BIRC6: variants seen among roughly 807,000 people sequenced by gnomAD.
BIRC6 encodes baculoviral IAP repeat containing 6.
Under a neutral mutation model 503.3 loss-of-function variants are expected in BIRC6, and 98 were observed. The ratio of observed to expected loss-of-function variants is 0.19; its 90% CI spans 0.17 to 0.23. BIRC6 has a LOEUF of 0.23. BIRC6 is among the 10% of genes least tolerant of loss of function. The pLI is 1.00. For synonymous variants in BIRC6, 2,240 were observed against 2,078.7 expected (o/e 1.08, Z -2.11); for missense variants, 5,360 against 5,806.0 (o/e 0.92, Z 2.50).
At chr2:32,459,223 T>G (rs1211441028) in intron 23 of BIRC6, among the ~76,000 whole-genome samples, 2 of 152,212 alleles carry the variant, frequency 1.3e-5, no homozygotes, top group East Asian at 3.8e-4. Context: ...TTCCAGTCAC[T>G]TGGCAACCAG....
Position 32,357,092 on chromosome 2 carries a change from A to C in BIRC6, c.-70A>C. 7.6e-7 allele frequency: 1 copy of C among 1,320,026 alleles called. No individual in the cohort carries two copies. The highest frequency in any genetic ancestry group is 9.9e-7 in the Non-Finnish European group (1 of 1,009,060). 81.8% of individuals were successfully genotyped at this position (1,320,026 alleles called of 1,614,324 possible). A position where few individuals can be genotyped will look rare whatever the true frequency, so the allele number is the denominator to read the frequency against. On this transcript the variant is annotated 5_prime_UTR_variant, in exon 1 of 74. Transcript: ENST00000421745. This position sits in a 1 kb window ranked among gnomAD's most constrained non-coding sequence, Gnocchi z 4.9. ...TTTGGCCCCTCCGGCCGGGCGATCG[A>C]CGTTCCGCGTGCGTGCGGGCGCCTG...
chr2:32,438,195 C>T (rs1304607082), intron 15 of BIRC6, among the ~76,000 whole-genome samples: 2 of 152,124 alleles, frequency 1.3e-5, no homozygotes, highest in African/African-American at 4.8e-5. Context: ...CCATAAAATT[C>T]TCCCCAGCAT....
At chr2:32,612,842 G>T (rs1049099474) in intron 73 of BIRC6, among the ~76,000 whole-genome samples, 27 of 152,164 alleles carry the variant, frequency 1.8e-4, no homozygotes, top group African/African-American at 5.8e-4. Flanking sequence ...AAAAACACTT[G>T]CAGAAAATTT....
At chr2:32,576,990 A>G (rs1367888565) in intron 66 of BIRC6, among the ~76,000 whole-genome samples, 1 of 152,136 alleles carries the variant, frequency 6.6e-6, no homozygotes, top group Non-Finnish European at 1.5e-5. Flanking sequence ...AGAGAAGAGA[A>G]TAGTGTTGTA....
At chr2:32,563,218 T>G (rs527492708) in intron 65 of BIRC6, 1 of 152,360 alleles carries the variant, frequency 6.6e-6, no homozygotes, top group Admixed American at 6.5e-5. Context: ...TGCACTACTT[T>G]GCTAAATGAG....
chr2:32,412,924 AT>A (rs1393411474), intron 9 of BIRC6, among the ~76,000 whole-genome samples: 2 of 152,004 alleles, frequency 1.3e-5, no homozygotes, highest in Non-Finnish European at 2.9e-5. Flanking sequence ...TATAAATAAT[AT>A]TTTTTAACTC....
chr2:32,587,980 A>G (rs2061164959), intron 66 of BIRC6, among the ~76,000 whole-genome samples: 1 of 152,196 alleles, frequency 6.6e-6, no homozygotes, highest in South Asian at 2.1e-4. Context: ...TCTCTCTAGT[A>G]TGAGCAGGTA....
intron 61 of BIRC6, among the ~76,000 whole-genome samples, chr2:32,533,350 G>C (rs1329797863): frequency 6.6e-6 from 1 of 152,208 alleles, no homozygotes; most frequent in Non-Finnish European, 1.5e-5. Context: ...GTTTAGCTGA[G>C]ATTTCCACAC....
chr2:32,367,266 C>G (rs1218636275), intron 1 of BIRC6, among the ~76,000 whole-genome samples: 1 of 151,820 alleles, frequency 6.6e-6, no homozygotes, highest in Non-Finnish European at 1.5e-5. Flanking sequence ...AGTTCGAGAC[C>G]AGCCTGACCA....
intron 33 of BIRC6, among the ~76,000 whole-genome samples, chr2:32,475,939 A>G (rs2049713347): frequency 6.6e-6 from 1 of 152,116 alleles, no homozygotes; most frequent in African/African-American, 2.4e-5. Flanking sequence ...TAAAAAATAT[A>G]TATCGCTCGA....
chr2:32,476,428 A>C, intron 34 of BIRC6, 84 bp downstream of exon 34: 2 of 1,399,022 alleles, frequency 1.4e-6, no homozygotes, highest in Non-Finnish European at 1.9e-6. Flanking sequence ...ACTTAAATAT[A>C]CATTACTCTG....
intron 15 of BIRC6, among the ~76,000 whole-genome samples, chr2:32,437,962 T>A (rs970898282): frequency 1.3e-5 from 2 of 152,170 alleles, no homozygotes; most frequent in African/African-American, 2.4e-5. Context: ...TTTTTAAAAA[T>A]TTTTTATTTT....
At chr2:32,592,057 G>A (rs2061413102) in intron 66 of BIRC6, among the ~76,000 whole-genome samples, 2 of 152,216 alleles carry the variant, frequency 1.3e-5, no homozygotes, top group Non-Finnish European at 2.9e-5. Flanking sequence ...AAAAGACACA[G>A]TATAGTAGTT....
Position 32,465,089 on chromosome 2 carries a change from C to A in BIRC6, c.5281C>A (p.Leu1761Ile). 6.2e-7 allele frequency: 1 copy of A among 1,605,306 alleles called. No individual in the cohort carries two copies. The highest frequency in any genetic ancestry group is 8.5e-7 in the Non-Finnish European group (1 of 1,175,042). The change falls in exon 26 of 74, where the codon CTT becomes ATT. Residue 1761 changes from leucine to isoleucine, a missense_variant. By Grantham distance (5) the Leu-to-Ile change is conservative. This residue lies in a region of BIRC6 where 2,299 missense variants were observed against 2,267.2 expected (regional missense o/e 1.01). Transcript: ENST00000421745. ...GAATCCACTTGGTTCTGGTCTAGCC[C>A]TTGCAATTTCTCATGCTTCACATTT... ...RMNPLGSGLA[L>I]AISHASHFLQ... is the part of the protein sequence containing the mutation.
chr2:32,590,399 A>C (rs1321416757), intron 66 of BIRC6, among the ~76,000 whole-genome samples: 1 of 152,156 alleles, frequency 6.6e-6, no homozygotes, highest in African/African-American at 2.4e-5. Context: ...GTTTATTGCA[A>C]CTTTGCAGTA....
At chr2:32,428,643 T>C (rs1052081888) in intron 10 of BIRC6, among the ~76,000 whole-genome samples, 1 of 152,370 alleles carries the variant, frequency 6.6e-6, no homozygotes, top group Non-Finnish European at 1.5e-5. Context: ...TAATTAAAGC[T>C]AAATTTGCTG....
rs1329007676 is a variant in BIRC6, at chr2:32,509,815, C to T, written c.10058C>T (p.Ala3353Val). Residue 3353 changes from alanine to valine, a missense_variant, in exon 52 of 74, where the codon GCA becomes GTA. This residue lies in a region of BIRC6 where 878 missense variants were observed against 928.9 expected (regional missense o/e 0.95). Coordinates refer to ENST00000421745, the MANE Select transcript of BIRC6 (RefSeq NM_016252.4). ...DLEGMMASAAAPTANLLQTCA... is the reference protein window; with the variant it reads ...DLEGMMASAAVPTANLLQTCA... ...GAAGGAATGATGGCAAGTGCAGCTG[C>T]ACCTACTGCTAATCTGCTGCAGACT... 1.2e-6 allele frequency: 2 copies of T among 1,614,014 alleles called. No individual in the cohort carries two copies. The highest frequency in any genetic ancestry group is 1.1e-5 in the South Asian group (1 of 91,084).
Position 32,429,184 on chromosome 2 carries a change from G to A in BIRC6, c.2911G>A (p.Asp971Asn). 1 of 1,590,368 alleles carries A rather than the reference G, an allele frequency of 6.3e-7. No homozygotes were observed. Among genetic ancestry groups the A allele is most frequent in the South Asian group, 1.2e-5 (1 of 86,904 alleles). The change falls in exon 11 of 74, where the codon GAT becomes AAT. Residue 971 changes from aspartate (D) to asparagine (N), a missense_variant. Physicochemically the swap from Asp to Asn is conservative, Grantham distance 23. Transcript: ENST00000421745. The stretch of plus-strand genomic sequence containing the variant: ...TTTTCTCCAAATTGGAGGAACCTGT[G>A]ATGATATTGATGAAGCTGATATACT... The part of the protein sequence containing the change: ...LHFLQIGGTC[D>N]DIDEADILVD...
At chr2:32,518,598 C>T (rs569683941) in intron 56 of BIRC6, among the ~76,000 whole-genome samples, 24 of 152,140 alleles carry the variant, frequency 1.6e-4, no homozygotes, top group African/African-American at 5.5e-4. Context: ...TTACCTTAGC[C>T]TGAGAAGTAT....
Sources: allele counts gnomAD v4.1 joint callset (sites outside exome capture counted in the v4.1 genomes callset), GRCh38; gene constraint gnomAD v4.1.1; regional missense constraint gnomAD v4.1.1; non-coding constraint Gnocchi (gnomAD v3.1); transcripts MANE v1.5; gene names NCBI Gene and HGNC (gene_info 2026-07-23, HGNC 2026-07-21).